Variants in CDH18 observed in about 807,000 individuals in gnomAD.
The protein encoded by CDH18 is cadherin-18.
In CDH18, 31 loss-of-function variants were observed where a neutral mutation model predicts 67.9. The observed-to-expected ratio is 0.46, with a 90% CI of 0.34 to 0.62. CDH18 has a LOEUF of 0.62. Ranked by LOEUF, CDH18 falls within the 20% of genes least tolerant of loss-of-function variation. The pLI is 0.01. For synonymous variants in CDH18, 362 were observed against 347.2 expected, an observed-to-expected ratio of 1.04 and a Z score of -0.48; for missense variants, 890 against 975.5, an observed-to-expected ratio of 0.91 and a Z score of 1.17.
chr5:19,555,277 C>A (rs1738186675), intron 8 of CDH18, among the ~76,000 whole-genome samples: 1 of 152,102 alleles, frequency 6.6e-6, no homozygotes, highest in Non-Finnish European at 1.5e-5. Context: ...ATCCACAGAC[C>A]CTTTGAAAGA....
intron 1 of CDH18, among the ~76,000 whole-genome samples, chr5:20,370,352 C>T (rs975377221): frequency 3.4e-5 from 5 of 146,412 alleles, no homozygotes; most frequent in South Asian, 2.1e-4. Context: ...TTTGTTAGCA[C>T]GTTTAAGTCT....
chr5:20,386,170 T>C (rs1318680706), intron 1 of CDH18, among the ~76,000 whole-genome samples: 4 of 152,172 alleles, frequency 2.6e-5, no homozygotes, highest in African/African-American at 9.6e-5. Flanking sequence ...GTAGAGAGCA[T>C]AGGTTGGTCT....
chr5:19,524,413 T>C (rs945621008), intron 9 of CDH18, among the ~76,000 whole-genome samples: 37 of 151,362 alleles, frequency 2.4e-4, no homozygotes, highest in African/African-American at 8.9e-4. Context: ...TTTTAGAAAC[T>C]AACATTAAAT....
intron 2 of CDH18, among the ~76,000 whole-genome samples, chr5:20,009,176 C>A (rs1221264698): frequency 1.3e-5 from 2 of 152,016 alleles, no homozygotes; most frequent in Non-Finnish European, 2.9e-5. Flanking sequence ...CAGTATACCT[C>A]CCCCCAAGGA....
intron 2 of CDH18, among the ~76,000 whole-genome samples, chr5:20,136,319 T>A (rs2126500018): frequency 6.6e-6 from 1 of 152,346 alleles, no homozygotes; most frequent in South Asian, 2.1e-4. Context: ...GCTCTTCTTG[T>A]TGAATTGATC....
intron 1 of CDH18, among the ~76,000 whole-genome samples, chr5:20,528,878 A>G (rs1756227473): frequency 6.6e-6 from 1 of 152,102 alleles, no homozygotes; most frequent in Non-Finnish European, 1.5e-5. Flanking sequence ...GCAGGAGACA[A>G]GAAATAACCA....
At chr5:19,590,706 T>G (rs1744975607) in intron 7 of CDH18, among the ~76,000 whole-genome samples, 1 of 152,084 alleles carries the variant, frequency 6.6e-6, no homozygotes, top group Non-Finnish European at 1.5e-5. Context: ...ACAGCTTTAT[T>G]AGGATGATGC....
intron 2 of CDH18, among the ~76,000 whole-genome samples, chr5:20,016,536 T>A (rs1055507423): frequency 3.3e-5 from 5 of 152,146 alleles, no homozygotes; most frequent in Non-Finnish European, 7.4e-5. Flanking sequence ...GATGCTGAGG[T>A]TAACCTTTTC....
At chr5:20,468,644 A>G (rs1159963218) in intron 1 of CDH18, among the ~76,000 whole-genome samples, 2 of 152,204 alleles carry the variant, frequency 1.3e-5, no homozygotes, top group Non-Finnish European at 2.9e-5. Context: ...AACCTTCATG[A>G]ACATAATTTA....
intron 1 of CDH18, among the ~76,000 whole-genome samples, chr5:20,324,709 G>T (rs944007699): frequency 8.5e-5 from 13 of 152,082 alleles, no homozygotes; most frequent in East Asian, 1.9e-4. Context: ...TAGTAAGAAG[G>T]TTCTATGTTG....
chr5:19,908,413 G>A (rs1362419002), intron 2 of CDH18, among the ~76,000 whole-genome samples: 1 of 152,060 alleles, frequency 6.6e-6, no homozygotes, highest in Non-Finnish European at 1.5e-5. Flanking sequence ...ACTATGATGA[G>A]TTAGATAGGA....
chr5:20,176,976 A>G (rs999558304), intron 2 of CDH18, among the ~76,000 whole-genome samples: 2 of 152,178 alleles, frequency 1.3e-5, no homozygotes, highest in East Asian at 1.9e-4. Flanking sequence ...CTGATATTAT[A>G]ACAGAGAATT....
intron 1 of CDH18, among the ~76,000 whole-genome samples, chr5:20,329,941 TA>T (rs1321825488): frequency 1.3e-5 from 2 of 152,024 alleles, no homozygotes; most frequent in African/African-American, 4.8e-5. Flanking sequence ...AGTACAGTAA[TA>T]TTTTCTAAGA....
At chr5:19,982,999 G>A (rs77794834) in intron 1 of CDH18, among the ~76,000 whole-genome samples, 21 of 141,088 alleles carry the variant, frequency 1.5e-4, no homozygotes, top group Middle Eastern at 3.7e-3. Context: ...CGCCACTGTC[G>A]TCCAGCCTGG....
intron 2 of CDH18, among the ~76,000 whole-genome samples, chr5:20,136,788 T>C (rs1749764911): frequency 1.3e-5 from 2 of 152,314 alleles, no homozygotes; most frequent in South Asian, 4.1e-4. Flanking sequence ...GGCCTGGTGG[T>C]GACAAAATCT....
At chr5:20,271,583 T>A (rs1485071108) in intron 1 of CDH18, among the ~76,000 whole-genome samples, 1 of 151,808 alleles carries the variant, frequency 6.6e-6, no homozygotes. Flanking sequence ...ACAAAATTAA[T>A]TTAAAAAAGA....
chr5:19,582,171 C>T (rs1160876863), intron 7 of CDH18, among the ~76,000 whole-genome samples: 5 of 151,788 alleles, frequency 3.3e-5, no homozygotes, highest in Non-Finnish European at 1.5e-5. Context: ...TACACAAGCT[C>T]ATATGTGTGT....
chr5:20,107,115 C>G (rs1010711456), intron 2 of CDH18, among the ~76,000 whole-genome samples: 6 of 144,642 alleles, frequency 4.1e-5, no homozygotes, highest in Admixed American at 2.8e-4. Flanking sequence ...GAGTCTCGCT[C>G]TGTCGCCCAG....
chr5:20,080,836 A>C (rs1381766372), intron 2 of CDH18, among the ~76,000 whole-genome samples: 1 of 152,154 alleles, frequency 6.6e-6, no homozygotes, highest in East Asian at 1.9e-4. Flanking sequence ...AACATCTTTT[A>C]TAATTAATAC....
Sources: allele counts gnomAD v4.1 joint callset (sites outside exome capture counted in the v4.1 genomes callset), GRCh38; gene constraint gnomAD v4.1.1; transcripts MANE v1.5; gene names NCBI Gene and HGNC (gene_info 2026-07-23, HGNC 2026-07-21).